The following ERC2 variants were observed in gnomAD, a reference collection of about 807,000 sequenced individuals.
ERC2 encodes the protein ELKS/RAB6-interacting/CAST family member 2, also known as ERC protein 2.
A neutral mutation model predicts 114.8 loss-of-function variants in ERC2; 42 were observed. The observed-to-expected ratio is 0.37, with a 90% CI of 0.29 to 0.47. The LOEUF (loss-of-function observed/expected upper bound fraction) is 0.47. Among genes scored for constraint, ERC2 ranks in the 20% least tolerant of loss-of-function variants. The pLI is 0.99. For synonymous variants in ERC2, 454 were observed against 425.5 expected (o/e 1.07, Z -0.82); for missense variants, 939 against 1,150.7 (o/e 0.82, Z 2.66).
Position 55,686,393 on chromosome 3 carries a change from G to T in ERC2, c.2848-2534C>A, listed in dbSNP as rs368067066. Among the ~76,000 whole-genome samples the T allele has an allele frequency of 1.1e-4, 16 of 152,194 alleles. No individual in the cohort carries two copies. In the East Asian group the frequency reaches 1.9e-3, roughly 18 times the overall value. Reference sequence around the variant, plus strand: ...AATAGAGAAGTGGTGGCTCTTTCTGGTCTCTCTAACCTTCAAAGCTTAAAC... The same window carrying T: ...AATAGAGAAGTGGTGGCTCTTTCTGTTCTCTCTAACCTTCAAAGCTTAAAC... On this transcript the variant is annotated intron_variant, in intron 16 of 17. Transcript: ENST00000288221.
chr3:55,543,602 T>C (rs1027976495), intron 17 of ERC2, among the ~76,000 whole-genome samples: 2 of 152,124 alleles, frequency 1.3e-5, no homozygotes, highest in Non-Finnish European at 2.9e-5. Flanking sequence ...GTGGTCACCT[T>C]CACCCTGTAA....
At chr3:56,107,890 A>G (rs1403257754) in intron 6 of ERC2, among the ~76,000 whole-genome samples, 1 of 152,212 alleles carries the variant, frequency 6.6e-6, no homozygotes, top group Non-Finnish European at 1.5e-5. Context: ...ATACTACTCA[A>G]CAACAGAAAA....
chr3:55,731,576 T>C (rs1263783699), intron 15 of ERC2, among the ~76,000 whole-genome samples: 1 of 152,202 alleles, frequency 6.6e-6, no homozygotes, highest in African/African-American at 2.4e-5. Context: ...TAATAAATGT[T>C]AGAAACAGGA....
chr3:55,899,629 C>T (rs1014454898), intron 13 of ERC2, among the ~76,000 whole-genome samples: 7 of 151,952 alleles, frequency 4.6e-5, no homozygotes, highest in East Asian at 1.9e-4. Context: ...AAAGATTTAA[C>T]GTAAAGGAAA....
At chr3:56,067,553 G>T (rs918642579) in intron 7 of ERC2, among the ~76,000 whole-genome samples, 1 of 152,008 alleles carries the variant, frequency 6.6e-6, no homozygotes, top group African/African-American at 2.4e-5. Flanking sequence ...TTACCTGATT[G>T]CCCTGGTCAG....
chr3:55,617,061 C>T (rs2059150224), intron 17 of ERC2, among the ~76,000 whole-genome samples: 1 of 152,140 alleles, frequency 6.6e-6, no homozygotes. Flanking sequence ...TTGCAAAAAC[C>T]CAAGACCCAC....
chr3:56,222,101 T>C (rs2049952197), intron 3 of ERC2, among the ~76,000 whole-genome samples: 1 of 152,152 alleles, frequency 6.6e-6, no homozygotes, highest in African/African-American at 2.4e-5. Context: ...TTAAAATGTT[T>C]TTAGTAATCA....
intron 17 of ERC2, among the ~76,000 whole-genome samples, chr3:55,549,106 T>G (rs2054965462): frequency 6.6e-6 from 1 of 151,966 alleles, no homozygotes; most frequent in Non-Finnish European, 1.5e-5. Flanking sequence ...AGAAAAAGAG[T>G]GTGTATTAAA....
intron 10 of ERC2, among the ~76,000 whole-genome samples, chr3:55,996,892 T>C (rs2071556999): frequency 6.6e-6 from 1 of 152,202 alleles, no homozygotes; most frequent in African/African-American, 2.4e-5. Flanking sequence ...AAATGAAAGT[T>C]AAGAAGCCAA....
At chr3:56,181,936 G>A (rs1436358714) in intron 3 of ERC2, among the ~76,000 whole-genome samples, 1 of 152,204 alleles carries the variant, frequency 6.6e-6, no homozygotes, top group East Asian at 1.9e-4. Context: ...GCCTTCAGAT[G>A]ACTGCAGCCC....
intron 2 of ERC2, among the ~76,000 whole-genome samples, chr3:56,392,390 T>G (rs980840754): frequency 2.6e-5 from 4 of 152,204 alleles, no homozygotes; most frequent in African/African-American, 9.6e-5. Flanking sequence ...AAAAGTATCC[T>G]CTATCTTTCT....
intron 17 of ERC2, among the ~76,000 whole-genome samples, chr3:55,597,979 A>G (rs2058227869): frequency 6.6e-6 from 1 of 152,204 alleles, no homozygotes; most frequent in African/African-American, 2.4e-5. Context: ...CACCTTGGGA[A>G]GCCACATCGC....
At chr3:56,263,491 A>G (rs2053085553) in intron 3 of ERC2, among the ~76,000 whole-genome samples, 2 of 152,200 alleles carry the variant, frequency 1.3e-5, no homozygotes, top group African/African-American at 2.4e-5. Context: ...CCCTAGCTCC[A>G]GCAGCCCCCC....
intron 2 of ERC2, among the ~76,000 whole-genome samples, chr3:56,431,303 C>G (rs1395552607): frequency 6.6e-6 from 1 of 152,190 alleles, no homozygotes; most frequent in Non-Finnish European, 1.5e-5. Context: ...ATATGTGTCT[C>G]TCCTCCCTTT....
intron 15 of ERC2, among the ~76,000 whole-genome samples, chr3:55,719,941 A>ATTCCTTTCT (rs140641664): frequency 6.8e-6 from 1 of 147,816 alleles, no homozygotes; most frequent in Admixed American, 6.8e-5. Flanking sequence ...GGGTTCTTTC[A>ATTCCTTTCT]TTCCTTTCTT....
intron 2 of ERC2, among the ~76,000 whole-genome samples, chr3:56,346,386 A>T (rs1402822889): frequency 6.6e-6 from 1 of 152,176 alleles, no homozygotes; most frequent in Admixed American, 6.5e-5. Context: ...ATAAAAATCA[A>T]CTCAAAATGG....
intron 2 of ERC2, among the ~76,000 whole-genome samples, chr3:56,348,956 GAAAGAAAGAAA>G (rs2058441382): frequency 1.5e-5 from 2 of 134,534 alleles, no homozygotes; most frequent in Admixed American, 1.5e-4. Context: ...AGGAAGGAAG[GAAAGAAAGAAA>G]GAAGGAAAGA....
intron 3 of ERC2, among the ~76,000 whole-genome samples, chr3:56,245,294 T>C (rs1023751146): frequency 1.3e-5 from 2 of 151,974 alleles, no homozygotes; most frequent in Non-Finnish European, 2.9e-5. Flanking sequence ...CAGAACATAA[T>C]ATGAATTCAA....
chr3:55,847,347 A>G (rs2061409360), intron 14 of ERC2, among the ~76,000 whole-genome samples: 1 of 152,244 alleles, frequency 6.6e-6, no homozygotes, highest in Admixed American at 6.5e-5. Flanking sequence ...GAAAATTGCC[A>G]AAGTCACTAT....
Sources: allele counts gnomAD v4.1 joint callset (sites outside exome capture counted in the v4.1 genomes callset), GRCh38; gene constraint gnomAD v4.1.1; transcripts MANE v1.5; gene names NCBI Gene and HGNC (gene_info 2026-07-23, HGNC 2026-07-21).